The following PSG8 variants were observed in gnomAD, a reference collection of about 807,000 sequenced individuals.
The protein encoded by PSG8 is pregnancy specific beta-1-glycoprotein 8, also known as pregnancy-specific beta-1-glycoprotein 8.
In PSG8, 57 loss-of-function variants were observed where a neutral mutation model predicts 42.5. The ratio of observed to expected loss-of-function variants is 1.34; its 90% CI spans 1.08 to 1.67. The LOEUF is 1.67. PSG8 is among the 40% of genes most tolerant of loss of function. The probability of loss-of-function intolerance (pLI) is 0.00; values close to 1 mark genes in which losing one functional copy is unlikely to be tolerated. For synonymous variants in PSG8, 280 were observed against 196.8 expected, an observed-to-expected ratio of 1.42 and a Z score of -3.54; for missense variants, 783 against 518.6, an observed-to-expected ratio of 1.51 and a Z score of -4.95.
At chr19:42,760,736 C>G (rs1307907302) in intron 2 of PSG8, among the ~76,000 whole-genome samples, 1 of 152,076 alleles carries the variant, frequency 6.6e-6, no homozygotes, top group Non-Finnish European at 1.5e-5. Flanking sequence ...GGGCCCGCCA[C>G]CATGGCTGGC....
chr19:42,765,403 C>T (rs558044138), intron 1 of PSG8, 115 bp downstream of exon 1: 3 of 1,502,470 alleles, frequency 2.0e-6, no homozygotes, highest in African/African-American at 1.4e-5. Context: ...CCACCTGCCT[C>T]AGCCTCCCAA....
At chr19:42,763,895 G>A in intron 2 of PSG8, 21 bp downstream of exon 2, 6 of 1,613,524 alleles carry the variant, frequency 3.7e-6, no homozygotes, top group East Asian at 2.2e-5. Flanking sequence ...CAACACCCAG[G>A]GATCATGTGG....
rs370144520 is a variant in PSG8, at chr19:42,754,395, C to G, written c.1181G>C (p.Cys394Ser). Residue 394 changes from cysteine to serine, a missense_variant, in exon 5 of 5, where the codon TGC becomes TCC. Physicochemically the swap from Cys to Ser is moderately radical, Grantham distance 112. Transcript: ENST00000306511. ...GCCAGTGGCTGAGTTACGAACAGAGCAAGCATAGAGCCCGCTATGCTTTGT... is the reference window on the plus strand; with the variant it reads ...GCCAGTGGCTGAGTTACGAACAGAGGAAGCATAGAGCCCGCTATGCTTTGT... ...ITTKHSGLYA[C>S]SVRNSATGKE... 196 of 1,613,654 alleles carry G rather than the reference C, an allele frequency of 1.2e-4. 1 individual carries two copies. Among genetic ancestry groups the G allele is most frequent in the Non-Finnish European group, 1.6e-4 (183 of 1,179,790 alleles).
chr19:42,759,477 A>T (rs1018534801), intron 2 of PSG8, among the ~76,000 whole-genome samples: 1 of 151,696 alleles, frequency 6.6e-6, no homozygotes, highest in African/African-American at 2.4e-5. Flanking sequence ...TGGATTTCTA[A>T]TTTTTTTTTG....
chr19:42,753,272 C>A (rs1391789334), downstream of PSG8: 8 of 779,472 alleles, frequency 1.0e-5, no homozygotes, highest in African/African-American at 3.4e-5. Flanking sequence ...GAGTTGTCCA[C>A]CTCCAGCTTA....
At chr19:42,763,602 A>T in intron 2 of PSG8, 1 of 456,744 alleles carries the variant, frequency 2.2e-6, no homozygotes, top group Non-Finnish European at 3.9e-6. Flanking sequence ...TCAGTTCTCC[A>T]GGGTCTTTCT....
At chr19:42,757,964 A>C (rs1415359266) in intron 3 of PSG8, 38 bp downstream of exon 3, 1 of 1,613,992 alleles carries the variant, frequency 6.2e-7, no homozygotes, top group South Asian at 1.1e-5. Flanking sequence ...TGTATTTGGG[A>C]TGGCAGCCTG....
Position 42,754,429 on chromosome 19 carries a change from G to A in PSG8, c.1147C>T (p.Gln383Ter), listed in dbSNP as rs770302624. 39 of 1,613,706 alleles carry A rather than the reference G, an allele frequency of 2.4e-5. 1 individual carries two copies. Among genetic ancestry groups the A allele is most frequent in the Non-Finnish European group, 3.3e-5 (39 of 1,179,830 alleles). Residue 383 changes from glutamine (Q) to a stop codon, truncating the protein, a stop_gained, in exon 5 of 5, where the codon CAA becomes TAA. Coordinates refer to ENST00000306511, the MANE Select transcript of PSG8 (RefSeq NM_182707.3). LOFTEE classifies it high-confidence loss of function. ...QLSGQKLFIPQITTKHSGLYA... is the reference protein window; with the variant it reads ...QLSGQKLFIP ...AGCCCGCTATGCTTTGTAGTAATTT[G>A]GGGGATAAAGAGCTTTTGTCCTGAT...
At position 42,754,508 on chromosome 19, in the gene PSG8, C is replaced by T. The variant is rs747690807; in HGVS notation, c.1068G>A (p.Ala356=). 38 of 1,613,636 alleles carry T rather than the reference C, an allele frequency of 2.4e-5. 2 individuals carry two copies. Among genetic ancestry groups the T allele is most frequent in the Admixed American group, 1.0e-4 (6 of 59,952 alleles). ...SGEVLYLSCS[A]DSNPPAQYSW... Reference sequence around the variant, plus strand: ...AATACTGTGCCGGTGGGTTAGAGTCCGCAGAACAGGACAAGTAGAGGACTT... The same window carrying T: ...AATACTGTGCCGGTGGGTTAGAGTCTGCAGAACAGGACAAGTAGAGGACTT... Residue 356 remains alanine (A), a synonymous_variant, in exon 5 of 5, where the codon GCG becomes GCA. Transcript: ENST00000306511.
At chr19:42,758,664 G>A (rs577174040) in intron 2 of PSG8, 21 of 239,350 alleles carry the variant, frequency 8.8e-5, no homozygotes, top group African/African-American at 1.5e-4. Flanking sequence ...TTACTTTGCC[G>A]CCCAAGGTAT....
downstream of PSG8, chr19:42,753,148 C>A (rs550200968): frequency 1.6e-4 from 114 of 693,854 alleles, 1 homozygote; most frequent in Middle Eastern, 1.1e-3. Context: ...TGAAGTCATC[C>A]ACTTGTTGTC....
intron 2 of PSG8, among the ~76,000 whole-genome samples, chr19:42,759,221 A>G (rs1274940987): frequency 2.0e-5 from 3 of 152,088 alleles, no homozygotes; most frequent in South Asian, 2.1e-4. Context: ...CTCTCATTAG[A>G]CATTCTACTC....
intron 2 of PSG8, among the ~76,000 whole-genome samples, chr19:42,760,719 A>G (rs773898835): frequency 3.9e-5 from 6 of 152,002 alleles, no homozygotes; most frequent in Non-Finnish European, 8.8e-5. Context: ...AGTAGCTGGG[A>G]CTACAGGGGC....
In PSG8 at chr19:42,764,181, G is replaced by A. The variant is rs1300725850; in HGVS notation, c.165C>T (p.Val55=). 3 of 1,613,854 alleles carry A rather than the reference G, an allele frequency of 1.9e-6. No individual in the cohort carries two copies. The highest frequency in any genetic ancestry group is 2.2e-5 in the South Asian group (2 of 91,058). Reference sequence around the variant, plus strand: ...CAGTAAGATTCTGGGGCAAATTGTGGACAAGTAGAAGAACATCCTTCCCCT... The same window carrying A: ...CAGTAAGATTCTGGGGCAAATTGTGAACAAGTAGAAGAACATCCTTCCCCT... ...VSEGKDVLLL[V]HNLPQNLTGY... is the part of the protein sequence containing the mutation. The change falls in exon 2 of 5, where the codon GTC becomes GTT. Residue 55 remains valine (V), a synonymous_variant. Transcript: ENST00000306511.
chr19:42,758,519 G>A (rs556056950), intron 2 of PSG8: 64 of 886,344 alleles, frequency 7.2e-5, no homozygotes, highest in Non-Finnish European at 9.5e-5. Context: ...GCAGCATTGG[G>A]TCATGGAAAG....
chr19:42,758,637 T>A, intron 2 of PSG8: 1 of 286,176 alleles, frequency 3.5e-6, no homozygotes, highest in South Asian at 7.3e-5. Context: ...AGTGCTGGAA[T>A]CTTCTTAGTT....
chr19:42,763,136 A>G (rs538045549), intron 2 of PSG8, among the ~76,000 whole-genome samples: 1 of 152,298 alleles, frequency 6.6e-6, no homozygotes, highest in East Asian at 1.9e-4. Flanking sequence ...AATAGCATTT[A>G]TTATTAATTT....
At chr19:42,755,908 A>G (rs904273775) in intron 3 of PSG8, 2 of 157,038 alleles carry the variant, frequency 1.3e-5, no homozygotes, top group African/African-American at 2.4e-5. Flanking sequence ...AGTGACCTCT[A>G]AAGATAGAGC....
chr19:42,762,404 A>G (rs1970100207), intron 2 of PSG8, among the ~76,000 whole-genome samples: 1 of 152,064 alleles, frequency 6.6e-6, no homozygotes, highest in African/African-American at 2.4e-5. Context: ...TTTAGGGGCA[A>G]GAGGTAGTGG....
Sources: allele counts gnomAD v4.1 joint callset (sites outside exome capture counted in the v4.1 genomes callset), GRCh38; gene constraint gnomAD v4.1.1; transcripts MANE v1.5; gene names NCBI Gene and HGNC (gene_info 2026-07-23, HGNC 2026-07-21).